The following TMA16 variants were observed in gnomAD, a reference collection of about 807,000 sequenced individuals.
TMA16 encodes the protein translation machinery associated 16 homolog.
TMA16 carries 26 observed loss-of-function variants against 27.1 expected under a neutral mutation model. The observed-to-expected ratio is 0.96, with a 90% CI of 0.70 to 1.33. The LOEUF (loss-of-function observed/expected upper bound fraction) is 1.33, where lower values mean the gene tolerates loss of function less well. Among genes scored for constraint, TMA16 ranks in the 40% most tolerant of loss-of-function variants. The pLI, the probability that TMA16 is intolerant of heterozygous loss-of-function variation, is 0.00. For missense variants in TMA16, 233 were observed against 241.4 expected (o/e 0.97, Z 0.23); for synonymous variants, 71 against 81.9 (o/e 0.87, Z 0.72).
At position 163,514,060 on chromosome 4, in the gene TMA16, CT is replaced by C. The variant is rs759651955; in HGVS notation, c.155-12del. 5.0e-6 allele frequency: 8 copies of C among 1,587,678 alleles called. No individual in the cohort carries two copies. Among genetic ancestry groups the C allele is most frequent in the Non-Finnish European group, 6.9e-6 (8 of 1,164,540 alleles). On this transcript the variant is annotated splice_polypyrimidine_tract_variant and intron_variant, in intron 3 of 6. Coordinates refer to ENST00000358572, the MANE Select transcript of TMA16 (RefSeq NM_018352.3). ...ACTTGTGGGGTAAACTGTCTTGGTACTTGTTGTTTATAGGTGAAAAACTGCA... is the reference window on the plus strand; with the variant it reads ...ACTTGTGGGGTAAACTGTCTTGGTACTGTTGTTTATAGGTGAAAAACTGCA...
intron 1 of TMA16, among the ~76,000 whole-genome samples, chr4:163,502,397 C>T (rs1454919886): frequency 6.6e-6 from 1 of 152,206 alleles, no homozygotes; most frequent in African/African-American, 2.4e-5. Flanking sequence ...CTCAGGGCAG[C>T]ATCCCACTTT....
chr4:163,515,545 C>T, intron 5 of TMA16, 84 bp downstream of exon 5: 1 of 1,367,138 alleles, frequency 7.3e-7, no homozygotes, highest in South Asian at 1.9e-5. Context: ...TATTTTAGAT[C>T]TTGTTTATTT....
chr4:163,504,052 G>A (rs1410064057), intron 1 of TMA16, among the ~76,000 whole-genome samples: 3 of 152,120 alleles, frequency 2.0e-5, no homozygotes, highest in Non-Finnish European at 4.4e-5. Flanking sequence ...TATTCAAGGG[G>A]TATCAAACTT....
chr4:163,519,442 C>T lies in TMA16; in HGVS notation c.540C>T (p.Asp180=). 1.9e-6 allele frequency: 3 copies of T among 1,605,374 alleles called. No individual in the cohort carries two copies. The highest frequency in any genetic ancestry group is 2.5e-6 in the Non-Finnish European group (3 of 1,176,940). The part of the protein sequence containing the change: ...TCKRKTIITV[D]QDLGELELND... ...AGAGGAAAACTATTATAACTGTAGA[C>T]CAAGATTTGGGGGAATTGGAACTAA... The change falls in exon 7 of 7, where the codon GAC becomes GAT. Residue 180 remains aspartate (D), a synonymous_variant. Coordinates refer to ENST00000358572, the MANE Select transcript of TMA16 (RefSeq NM_018352.3).
Position 163,519,699 on chromosome 4 carries a change from C to A in TMA16, c.*185C>A. 1 of 606,994 alleles carries A rather than the reference C, an allele frequency of 1.6e-6. No homozygotes were observed. The highest frequency in any genetic ancestry group is 2.7e-6 in the Non-Finnish European group (1 of 366,984). The allele number at this position is 606,994 out of a possible 1,614,324, so 37.6% of individuals were successfully genotyped here. ...TAAAATGAAGATTGCTTTTCATTTC[C>A]ATTAAGTTGCTAAAATAGATAGATG... On this transcript the variant is annotated 3_prime_UTR_variant, in exon 7 of 7. Coordinates refer to ENST00000358572, the MANE Select transcript of TMA16 (RefSeq NM_018352.3).
intron 2 of TMA16, among the ~76,000 whole-genome samples, chr4:163,512,206 A>AT (rs1737809874): frequency 1.3e-5 from 2 of 151,814 alleles, no homozygotes; most frequent in Non-Finnish European, 1.5e-5. Flanking sequence ...GGGACAGTGA[A>AT]TTTTTTTTGT....
At position 163,519,943 on chromosome 4, in the gene TMA16, GCTT is replaced by G. The variant is rs1435166474; in HGVS notation, c.*433_*435del. On this transcript the variant is annotated 3_prime_UTR_variant, in exon 7 of 7. Transcript: ENST00000358572. ...TTTTCGGTAATAATATCACACTAAT[GCTT>G]CTTTTAAACATTAAACCTATTTTCC... The G allele has an allele frequency of 3.4e-5, 20 of 581,542 alleles. No homozygotes were observed. Among genetic ancestry groups the G allele is most frequent in the African/African-American group, 3.1e-4 (16 of 52,088 alleles). 36.0% of individuals were successfully genotyped at this position (581,542 alleles called of 1,614,324 possible). A position where few individuals can be genotyped will look rare whatever the true frequency, so the allele number is the denominator to read the frequency against.
chr4:163,511,740 G>C (rs1033787728), intron 2 of TMA16, among the ~76,000 whole-genome samples: 3 of 151,992 alleles, frequency 2.0e-5, no homozygotes, highest in Admixed American at 6.6e-5. Flanking sequence ...CAGGATGGTT[G>C]CTTGAGCCCA....
intron 1 of TMA16, among the ~76,000 whole-genome samples, chr4:163,499,112 A>T (rs941210547): frequency 1.4e-4 from 21 of 152,212 alleles, no homozygotes; most frequent in African/African-American, 4.8e-4. Flanking sequence ...TATTTCATTG[A>T]AGTTTTTGTT....
At position 163,510,136 on chromosome 4, in the gene TMA16, G is replaced by C. The variant is rs867025541; in HGVS notation, c.117-2686G>C. 4.5e-4 allele frequency among the ~76,000 whole-genome samples: 68 copies of C among 152,236 alleles called. 1 individual carries two copies. The highest frequency in any genetic ancestry group is 1.4e-3 in the African/African-American group (60 of 41,560). ...ATTATTGCAACTTGACTTCTAACTA[G>C]ATTCTTCCCTCCAGCCTTATTTAAA... On this transcript the variant is annotated intron_variant, in intron 2 of 6. Coordinates refer to ENST00000358572, the MANE Select transcript of TMA16 (RefSeq NM_018352.3).
chr4:163,508,716 T>C (rs148688204), intron 2 of TMA16, among the ~76,000 whole-genome samples: 105 of 152,320 alleles, frequency 6.9e-4, no homozygotes, highest in African/African-American at 2.4e-3. Flanking sequence ...GTACCAGTGG[T>C]ATGATATGCA....
chr4:163,518,641 A>G (rs1737921508), intron 6 of TMA16, among the ~76,000 whole-genome samples: 1 of 152,168 alleles, frequency 6.6e-6, no homozygotes, highest in Non-Finnish European at 1.5e-5. Context: ...AAATCCAGTC[A>G]TTGTCTATAC....
chr4:163,503,583 T>G (rs1320259501), intron 1 of TMA16, among the ~76,000 whole-genome samples: 3 of 152,250 alleles, frequency 2.0e-5, no homozygotes, highest in African/African-American at 7.2e-5. Flanking sequence ...TTTTTGTTAC[T>G]TCTAGTTATG....
At chr4:163,518,779 A>G (rs1479602131) in intron 6 of TMA16, among the ~76,000 whole-genome samples, 2 of 152,138 alleles carry the variant, frequency 1.3e-5, no homozygotes, top group Non-Finnish European at 1.5e-5. Flanking sequence ...GATTCTTTTT[A>G]TACCTTAATT....
At chr4:163,496,673 T>C (rs1247395791) in intron 1 of TMA16, among the ~76,000 whole-genome samples, 3 of 152,050 alleles carry the variant, frequency 2.0e-5, no homozygotes, top group African/African-American at 7.2e-5. Flanking sequence ...TCGCGGCTCA[T>C]TGCAACCTCC....
chr4:163,497,096 C>G (rs975589246), intron 1 of TMA16, among the ~76,000 whole-genome samples: 1 of 152,206 alleles, frequency 6.6e-6, no homozygotes. Flanking sequence ...AGTGTGCCAT[C>G]ATCCTCCGTG....
chr4:163,498,578 T>C (rs1380624978), intron 1 of TMA16, among the ~76,000 whole-genome samples: 2 of 152,202 alleles, frequency 1.3e-5, no homozygotes, highest in African/African-American at 4.8e-5. Flanking sequence ...TGAGCCACTG[T>C]GCCCGGCTGG....
In TMA16 at chr4:163,519,717, G is replaced by C; in HGVS notation, c.*203G>C. 1 of 566,836 alleles carries C rather than the reference G, an allele frequency of 1.8e-6. No homozygotes were observed. The highest frequency in any genetic ancestry group is 3.0e-6 in the Non-Finnish European group (1 of 334,320). 35.1% of individuals were successfully genotyped at this position (566,836 alleles called of 1,614,324 possible). A position where few individuals can be genotyped will look rare whatever the true frequency, so the allele number is the denominator to read the frequency against. ...TCATTTCCATTAAGTTGCTAAAATA[G>C]ATAGATGTGATCTGCAGAAGTTGTT... On this transcript the variant is annotated 3_prime_UTR_variant, in exon 7 of 7. Coordinates refer to ENST00000358572, the MANE Select transcript of TMA16 (RefSeq NM_018352.3).
intron 2 of TMA16, 24 bp downstream of exon 2, chr4:163,507,169 A>G (rs192152752): frequency 6.5e-7 from 1 of 1,541,400 alleles, no homozygotes; most frequent in African/African-American, 1.4e-5. Flanking sequence ...CATCATTTGT[A>G]TTACTCGTTG....
Sources: allele counts gnomAD v4.1 joint callset (sites outside exome capture counted in the v4.1 genomes callset), GRCh38; gene constraint gnomAD v4.1.1; transcripts MANE v1.5; gene names NCBI Gene and HGNC (gene_info 2026-07-23, HGNC 2026-07-21).